The following HABP2 variants were observed in gnomAD, a reference collection of about 807,000 sequenced individuals.
HABP2 encodes factor VII-activating protease.
HABP2 carries 65 observed loss-of-function variants against 66.5 expected under a neutral mutation model. The observed-to-expected ratio is 0.98, with a 90% CI of 0.80 to 1.20. HABP2 has a LOEUF of 1.20. Among genes scored for constraint, HABP2 ranks in the 50% most tolerant of loss-of-function variants. The pLI is 0.00. For missense variants in HABP2, 786 were observed against 691.0 expected, an observed-to-expected ratio of 1.14 and a Z score of -1.54; for synonymous variants, 263 against 253.9, an observed-to-expected ratio of 1.04 and a Z score of -0.34.
intron 5 of HABP2, 58 bp from the exon 6 acceptor site, chr10:113,577,968 A>G (rs1845442797): frequency 1.7e-5 from 27 of 1,590,856 alleles, no homozygotes; most frequent in Non-Finnish European, 2.2e-5. Context: ...TTGTCATCTC[A>G]GACATGGGCT....
Position 113,588,990 on chromosome 10 carries a change from C to CTTCTTCTT in HABP2, c.*624_*631dup. ...TGGACATGGCTCACAACAGCAGGGC[C>CTTCTTCTT]TTCTTCTTTTTGACGTGCAGAATCT... On this transcript the variant is annotated 3_prime_UTR_variant, in exon 13 of 13. Coordinates refer to ENST00000351270, the MANE Select transcript of HABP2 (RefSeq NM_004132.5). The CTTCTTCTT allele has an allele frequency of 6.2e-7, 1 of 1,608,262 alleles. No individual in the cohort carries two copies. Among genetic ancestry groups the CTTCTTCTT allele is most frequent in the Non-Finnish European group, 8.5e-7 (1 of 1,179,328 alleles).
At chr10:113,565,093 C>G (rs549808658) in intron 1 of HABP2, among the ~76,000 whole-genome samples, 2 of 152,220 alleles carry the variant, frequency 1.3e-5, no homozygotes, top group Admixed American at 6.5e-5. Flanking sequence ...ATCCACCCAC[C>G]TCGGCCTCCC....
At chr10:113,574,215 T>C (rs1002647131) in intron 2 of HABP2, 74 bp from the exon 3 acceptor site, 2 of 771,904 alleles carry the variant, frequency 2.6e-6, no homozygotes, top group African/African-American at 1.7e-5. Flanking sequence ...GGAAAAGGTG[T>C]CCAACTAAAT....
chr10:113,557,947 G>T (rs1845028895), intron 1 of HABP2, among the ~76,000 whole-genome samples: 1 of 152,204 alleles, frequency 6.6e-6, no homozygotes, highest in Non-Finnish European at 1.5e-5. Context: ...TGGCACCTCT[G>T]GGAGGTTACA....
At chr10:113,559,639 C>T (rs1845064926) in intron 1 of HABP2, among the ~76,000 whole-genome samples, 1 of 152,220 alleles carries the variant, frequency 6.6e-6, no homozygotes, top group Non-Finnish European at 1.5e-5. Context: ...CGGGTGGGCC[C>T]CAGGGATCTG....
chr10:113,551,930 T>C (rs1012968982), upstream of HABP2, among the ~76,000 whole-genome samples: 1 of 151,866 alleles, frequency 6.6e-6, no homozygotes, highest in Non-Finnish European at 1.5e-5. Context: ...CTGCCTAAAA[T>C]AGGATGGAGA....
In HABP2 at chr10:113,585,810, C is replaced by A; in HGVS notation, c.1390C>A (p.Leu464Ile). 1 of 1,613,758 alleles carries A rather than the reference C, an allele frequency of 6.2e-7. No homozygotes were observed. Among genetic ancestry groups the A allele is most frequent in the South Asian group, 1.1e-5 (1 of 91,074 alleles). The change falls in exon 12 of 13, where the codon CTC becomes ATC. Residue 464 changes from leucine to isoleucine, a missense_variant. Transcript: ENST00000351270. ...VTETGKGSRQ[L>I]LDAKVKLIAN... is the part of the protein sequence containing the mutation. Reference sequence around the variant, plus strand: ...CCCCACAGGAAAAGGGTCCCGCCAGCTCCTGGATGCCAAAGTCAAGCTGAT... The same window carrying A: ...CCCCACAGGAAAAGGGTCCCGCCAGATCCTGGATGCCAAAGTCAAGCTGAT...
chr10:113,574,445 GGTCA>G, intron 3 of HABP2, 40 bp downstream of exon 3: 1 of 1,004,096 alleles, frequency 1.0e-6, no homozygotes, highest in East Asian at 2.4e-5. Flanking sequence ...CCTGGGAGAA[GGTCA>G]GAGCGGAGTG....
In HABP2 at chr10:113,588,976, C is replaced by CACA. The variant is rs1845752224; in HGVS notation, c.*611_*613dup. ...CTCAGGAATCAGGGTGGACATGGCTCACAACAGCAGGGCCTTCTTCTTTTT... is the reference window on the plus strand; with the variant it reads ...CTCAGGAATCAGGGTGGACATGGCTCACAACAACAGCAGGGCCTTCTTCTTTTT... On this transcript the variant is annotated 3_prime_UTR_variant, in exon 13 of 13. Transcript: ENST00000351270. The CACA allele has an allele frequency of 3.1e-6, 5 of 1,612,282 alleles. No homozygotes were observed. In the Admixed American group the frequency reaches 5.0e-5, roughly 16 times the overall value.
chr10:113,588,466 A>T lies in HABP2; in HGVS notation c.*97A>T. 1.2e-6 allele frequency: 1 copy of T among 863,344 alleles called. No homozygotes were observed. Among genetic ancestry groups the T allele is most frequent in the Non-Finnish European group, 1.8e-6 (1 of 562,866 alleles). The allele number at this position is 863,344 out of a possible 1,614,324, so 53.5% of individuals were successfully genotyped here. On this transcript the variant is annotated 3_prime_UTR_variant, in exon 13 of 13. Transcript: ENST00000351270. ...TGGACACCTCCAGAGCCTCCAGGGG[A>T]CCACACAGTAGACTATCCCTACTCT... is the stretch of plus-strand genomic sequence containing the variant.
At chr10:113,559,043 C>T (rs1284483718) in intron 1 of HABP2, among the ~76,000 whole-genome samples, 1 of 152,116 alleles carries the variant, frequency 6.6e-6, no homozygotes, top group Non-Finnish European at 1.5e-5. Context: ...TTAGCAGAGA[C>T]AGGGTTTCAC....
rs753669869 is a variant in HABP2 at position 113,589,488 on chromosome 10, C to T, written c.*1119C>T. 7 of 689,170 alleles carry T rather than the reference C, an allele frequency of 1.0e-5. No homozygotes were observed. The highest frequency in any genetic ancestry group is 2.7e-5 in the East Asian group (1 of 36,902). The allele number at this position is 689,170 out of a possible 1,614,324, so 42.7% of individuals were successfully genotyped here. A position where few individuals can be genotyped will look rare whatever the true frequency, so the allele number is the denominator to read the frequency against. ...AAAGCCCTGCAGGAAGTTTAACCTG[C>T]GTGTCATCTGCCTGGTCATCTCAGA... On this transcript the variant is annotated 3_prime_UTR_variant, in exon 13 of 13. Coordinates refer to ENST00000351270, the MANE Select transcript of HABP2 (RefSeq NM_004132.5).
At chr10:113,562,740 C>T (rs1473253135) in intron 1 of HABP2, among the ~76,000 whole-genome samples, 2 of 152,336 alleles carry the variant, frequency 1.3e-5, no homozygotes, top group Middle Eastern at 3.4e-3. Context: ...CCACTGCGCC[C>T]GGCCCACAGA....
rs757350467 is a variant in HABP2 at position 113,585,940 on chromosome 10, T to A, written c.1518+2T>A. The A allele has an allele frequency of 1.2e-5, 20 of 1,613,252 alleles. No homozygotes were observed. Among genetic ancestry groups the A allele is most frequent in the Admixed American group, 1.7e-5 (1 of 60,006 alleles). ...AAACCTGGGCAAGACACCTGCCAGG[T>A]CAGAGACTCCAAGTGGTGCTTGTGG... On this transcript the variant is annotated splice_donor_variant, in intron 12 of 12. Transcript: ENST00000351270. LOFTEE classifies it high-confidence loss of function.
chr10:113,589,589 A>ACTT lies in HABP2; in HGVS notation c.*1221_*1223dup. The ACTT allele has an allele frequency of 4.6e-6, 7 of 1,536,946 alleles. No homozygotes were observed. Among genetic ancestry groups the ACTT allele is most frequent in the South Asian group, 1.2e-5 (1 of 80,998 alleles). On this transcript the variant is annotated 3_prime_UTR_variant, in exon 13 of 13. Coordinates refer to ENST00000351270, the MANE Select transcript of HABP2 (RefSeq NM_004132.5). ...CTAGCTGACCTTTGGCCAAAAATAAACTTTGAAAAGAAACAATGAGTTTGT... is the reference window on the plus strand; with the variant it reads ...CTAGCTGACCTTTGGCCAAAAATAAACTTCTTTGAAAAGAAACAATGAGTTTGT...
intron 4 of HABP2, 81 bp from the exon 5 acceptor site, chr10:113,577,068 AC>A: frequency 1.3e-6 from 1 of 796,738 alleles, no homozygotes; most frequent in Non-Finnish European, 2.2e-6. Context: ...CAGTCACCCC[AC>A]CCTCAAACAT....
intron 12 of HABP2, among the ~76,000 whole-genome samples, chr10:113,586,881 G>T (rs1235123056): frequency 1.3e-5 from 2 of 152,172 alleles, no homozygotes; most frequent in South Asian, 2.1e-4. Context: ...GGACATCAAG[G>T]TTCCTCTCTC....
At chr10:113,572,328 A>T (rs1845328979) in intron 2 of HABP2, among the ~76,000 whole-genome samples, 1 of 152,250 alleles carries the variant, frequency 6.6e-6, no homozygotes, top group Non-Finnish European at 1.5e-5. Flanking sequence ...AAGTCACACC[A>T]TACCATCTAC....
At chr10:113,561,752 G>C (rs145134608) in intron 1 of HABP2, among the ~76,000 whole-genome samples, 20 of 152,188 alleles carry the variant, frequency 1.3e-4, no homozygotes, top group Middle Eastern at 3.4e-3. Context: ...ACGAATTTCT[G>C]GAACACATCA....
Sources: allele counts gnomAD v4.1 joint callset (sites outside exome capture counted in the v4.1 genomes callset), GRCh38; gene constraint gnomAD v4.1.1; transcripts MANE v1.5; gene names NCBI Gene and HGNC (gene_info 2026-07-23, HGNC 2026-07-21).